Variants in PNPLA8 observed in about 807,000 individuals in gnomAD.
PNPLA8 encodes the protein patatin like domain 8, phospholipase A2, also known as calcium-independent phospholipase A2-gamma.
PNPLA8 carries 39 observed loss-of-function variants against 76.9 expected under a neutral mutation model. That is an observed-to-expected ratio of 0.51 (90% CI 0.39 to 0.66). PNPLA8 has a LOEUF of 0.66. Among genes scored for constraint, PNPLA8 ranks in the 30% least tolerant of loss-of-function variants. The pLI, the probability that PNPLA8 is intolerant of heterozygous loss-of-function variation, is 0.00. For synonymous variants in PNPLA8, 301 were observed against 307.9 expected, an observed-to-expected ratio of 0.98 and a Z score of 0.24; for missense variants, 887 against 918.0, an observed-to-expected ratio of 0.97 and a Z score of 0.44.
chr7:108,525,973 C>T (rs1302970041), intron 1 of PNPLA8, 56 bp downstream of exon 1: 2 of 822,888 alleles, frequency 2.4e-6, no homozygotes, highest in East Asian at 2.5e-4. Flanking sequence ...GACAAGGGTC[C>T]AGAACGATCA....
intron 9 of PNPLA8, among the ~76,000 whole-genome samples, chr7:108,487,313 C>T (rs1036254555): frequency 6.6e-6 from 1 of 152,144 alleles, no homozygotes; most frequent in Non-Finnish European, 1.5e-5. Context: ...AATGCATGCA[C>T]AGCACTAAAT....
Sources: gnomAD v4.1 joint callset for allele counts (sites outside exome capture counted in the v4.1 genomes callset) on GRCh38, gnomAD v4.1.1 for gene constraint, MANE v1.5 for transcripts, NCBI Gene and HGNC (gene_info 2026-07-23, HGNC 2026-07-21) for gene names.